Variants in FNDC3B observed in about 807,000 individuals in gnomAD.
FNDC3B encodes the protein fibronectin type III domain-containing protein 3B.
A neutral mutation model predicts 151.5 loss-of-function variants in FNDC3B; 12 were observed. The ratio of observed to expected loss-of-function variants is 0.08; its 90% CI spans 0.05 to 0.13. The LOEUF is 0.13. Among genes scored for constraint, FNDC3B ranks in the 10% least tolerant of loss-of-function variants. FNDC3B has a pLI of 1.00. For synonymous variants in FNDC3B, 528 were observed against 549.0 expected (o/e 0.96, Z 0.54); for missense variants, 1,214 against 1,505.3 (o/e 0.81, Z 3.20).
rs181840175 is a variant in FNDC3B, at chr3:172,276,133, T to C, written c.791-9793T>C. 8.5e-5 allele frequency among the ~76,000 whole-genome samples: 13 copies of C among 152,286 alleles called. No individual in the cohort carries two copies. The East Asian group carries it at 2.3e-3, about 27-fold the overall frequency. ...AAGTAAGAAGATCCTTGGGTAAGAGTAGCTTTTAACAAATCCAAAATGTTT... is the reference window on the plus strand; with the variant it reads ...AAGTAAGAAGATCCTTGGGTAAGAGCAGCTTTTAACAAATCCAAAATGTTT... On this transcript the variant is annotated intron_variant, in intron 6 of 25. Coordinates refer to ENST00000415807, the MANE Select transcript of FNDC3B (RefSeq NM_022763.4).
Position 172,336,576 on chromosome 3 carries a change from A to G in FNDC3B, c.1781-754A>G, listed in dbSNP as rs370310809. 4.5e-4 allele frequency among the ~76,000 whole-genome samples: 69 copies of G among 152,276 alleles called. 1 individual carries two copies. Among genetic ancestry groups the G allele is most frequent in the African/African-American group, 1.5e-3 (62 of 41,550 alleles). On this transcript the variant is annotated intron_variant, in intron 15 of 25. Coordinates refer to ENST00000415807, the MANE Select transcript of FNDC3B (RefSeq NM_022763.4). The stretch of plus-strand genomic sequence containing the variant: ...TATTTATTTTGTCAATAAATTTTGT[A>G]CTTCTCTTTCCGTTCCTTTCCATCA...
intron 3 of FNDC3B, among the ~76,000 whole-genome samples, chr3:172,205,940 T>G (rs1266134994): frequency 1.3e-5 from 2 of 152,330 alleles, no homozygotes; most frequent in African/African-American, 2.4e-5. Context: ...GATTTTAAAC[T>G]TAAAGTCAAC....
intron 11 of FNDC3B, among the ~76,000 whole-genome samples, chr3:172,325,627 C>T (rs556385755): frequency 5.0e-4 from 76 of 152,268 alleles, no homozygotes; most frequent in African/African-American, 1.5e-3. Flanking sequence ...CCTTTGAACA[C>T]GGACTTACTC....
intron 1 of FNDC3B, among the ~76,000 whole-genome samples, chr3:172,041,885 C>T (rs142528904): frequency 2.2e-3 from 332 of 152,186 alleles, no homozygotes; most frequent in Middle Eastern, 0.02. Flanking sequence ...GATAAAGTCT[C>T]TGGGCATGTT....
intron 4 of FNDC3B, 99 bp from the exon 5 acceptor site, chr3:172,247,434 G>A (rs988374748): frequency 1.9e-5 from 25 of 1,321,050 alleles, no homozygotes; most frequent in Non-Finnish European, 2.5e-5. Flanking sequence ...TTTCTATGGT[G>A]GAAGAGAAAA....
rs1235764753 is a variant in FNDC3B, at chr3:172,397,693, A to AG, written c.*218_*219insG. Reference sequence around the variant, plus strand: ...TTTTTTTTTAAAAAAAAGAAAAAAAAAGAAGAAAAGTATACCAGATACCAA... The same window carrying AG: ...TTTTTTTTTAAAAAAAAGAAAAAAAAGAGAAGAAAAGTATACCAGATACCAA... On this transcript the variant is annotated 3_prime_UTR_variant, in exon 26 of 26. Transcript: ENST00000415807. 1.5e-5 allele frequency: 5 copies of AG among 341,312 alleles called. No individual in the cohort carries two copies. The highest frequency in any genetic ancestry group is 7.9e-4 in the Middle Eastern group (1 of 1,266). The allele number at this position is 341,312 out of a possible 1,614,324, so 21.1% of individuals were successfully genotyped here.
chr3:172,046,688 G>A (rs1184165430), intron 1 of FNDC3B, among the ~76,000 whole-genome samples: 1 of 152,128 alleles, frequency 6.6e-6, no homozygotes. Context: ...TTGCAGGGTG[G>A]TAGGGGATTT....
At chr3:172,318,208 T>A (rs895612580) in intron 11 of FNDC3B, among the ~76,000 whole-genome samples, 1 of 151,982 alleles carries the variant, frequency 6.6e-6, no homozygotes, top group East Asian at 1.9e-4. Context: ...AGGGGAAGCA[T>A]AATTAAAAGT....
At chr3:172,395,849 A>G (rs1489984778) in intron 25 of FNDC3B, among the ~76,000 whole-genome samples, 2 of 152,242 alleles carry the variant, frequency 1.3e-5, no homozygotes, top group Admixed American at 6.5e-5. Context: ...ATCTTTCAGC[A>G]TCACAGAAAT....
At chr3:172,054,973 A>G (rs1413780656) in intron 1 of FNDC3B, among the ~76,000 whole-genome samples, 1 of 152,218 alleles carries the variant, frequency 6.6e-6, no homozygotes, top group African/African-American at 2.4e-5. Context: ...GGAGGAATAG[A>G]TTGTAATTTT....
chr3:172,049,342 A>C (rs918040009), intron 1 of FNDC3B, among the ~76,000 whole-genome samples: 2 of 152,122 alleles, frequency 1.3e-5, no homozygotes, highest in African/African-American at 4.8e-5. Flanking sequence ...AAATGTTTAA[A>C]AGTAGATCTC....
chr3:172,138,430 G>A (rs1380206578), intron 3 of FNDC3B, among the ~76,000 whole-genome samples: 6 of 151,956 alleles, frequency 3.9e-5, no homozygotes, highest in Non-Finnish European at 8.8e-5. Context: ...GTTTAGTTAC[G>A]TGCTTATAGC....
intron 22 of FNDC3B, among the ~76,000 whole-genome samples, chr3:172,361,669 T>C (rs1734370500): frequency 6.6e-6 from 1 of 152,194 alleles, no homozygotes; most frequent in Non-Finnish European, 1.5e-5. Context: ...ACTCTTCCAG[T>C]GTCTGCCCAT....
chr3:172,128,544 G>T (rs1205699294), intron 2 of FNDC3B, among the ~76,000 whole-genome samples: 1 of 151,518 alleles, frequency 6.6e-6, no homozygotes. Flanking sequence ...AGAGCTTGGA[G>T]ATTGGGAATC....
chr3:172,230,691 T>C (rs1381139185), intron 4 of FNDC3B, among the ~76,000 whole-genome samples: 2 of 152,152 alleles, frequency 1.3e-5, no homozygotes, highest in African/African-American at 4.8e-5. Flanking sequence ...AAAGAAGATA[T>C]ACAAATGGCC....
At chr3:172,337,213 T>C in intron 15 of FNDC3B, 117 bp from the exon 16 acceptor site, 1 of 625,378 alleles carries the variant, frequency 1.6e-6, no homozygotes, top group Non-Finnish European at 2.7e-6. Flanking sequence ...TTTTGCCTTT[T>C]GGTCATGTCT....
At chr3:172,251,611 CT>C in intron 6 of FNDC3B, 70 bp downstream of exon 6, 1 of 1,390,718 alleles carries the variant, frequency 7.2e-7, no homozygotes, top group Non-Finnish European at 9.7e-7. Flanking sequence ...GTTTCCACAT[CT>C]TTTACATGAG....
intron 2 of FNDC3B, among the ~76,000 whole-genome samples, chr3:172,116,864 T>C (rs1720283820): frequency 6.6e-6 from 1 of 152,110 alleles, no homozygotes; most frequent in South Asian, 2.1e-4. Context: ...CCACGCCCGG[T>C]TCACTCAACA....
At chr3:172,353,804 T>C (rs569600867) in intron 22 of FNDC3B, among the ~76,000 whole-genome samples, 2 of 152,354 alleles carry the variant, frequency 1.3e-5, no homozygotes, top group South Asian at 4.1e-4. Context: ...ATAATTTAAT[T>C]CAGTGTTAAT....
Sources: allele counts gnomAD v4.1 joint callset (sites outside exome capture counted in the v4.1 genomes callset), GRCh38; gene constraint gnomAD v4.1.1; transcripts MANE v1.5; gene names NCBI Gene and HGNC (gene_info 2026-07-23, HGNC 2026-07-21).